RAPGEF5: variants seen among roughly 807,000 people sequenced by gnomAD.
RAPGEF5 encodes Rap guanine nucleotide exchange factor 5.
A neutral mutation model predicts 125.2 loss-of-function variants in RAPGEF5; 65 were observed. That is an observed-to-expected ratio of 0.52 (90% CI 0.43 to 0.64). The LOEUF (loss-of-function observed/expected upper bound fraction) is 0.64, where lower values mean the gene tolerates loss of function less well. Among genes scored for constraint, RAPGEF5 ranks in the 30% least tolerant of loss-of-function variants. The pLI is 0.00. For synonymous variants in RAPGEF5, 391 were observed against 385.9 expected (o/e 1.01, Z -0.16); for missense variants, 958 against 1,048.1 (o/e 0.91, Z 1.19).
chr7:22,172,375 C>T (rs1294292674), intron 11 of RAPGEF5, among the ~76,000 whole-genome samples: 2 of 152,134 alleles, frequency 1.3e-5, no homozygotes, highest in African/African-American at 2.4e-5. Context: ...CTGCATGCCT[C>T]GGGCTCCCAA....
chr7:22,250,084 T>G (rs1465584618), intron 7 of RAPGEF5, among the ~76,000 whole-genome samples: 3 of 152,198 alleles, frequency 2.0e-5, no homozygotes, highest in Non-Finnish European at 2.9e-5. Context: ...GTTCCTTATC[T>G]CCAAACAAAA....
intron 1 of RAPGEF5, among the ~76,000 whole-genome samples, chr7:22,348,441 C>T (rs1414365294): frequency 6.6e-6 from 1 of 152,202 alleles, no homozygotes; most frequent in Non-Finnish European, 1.5e-5. Flanking sequence ...CCATCAGAAA[C>T]ATAAATCCTG....
chr7:22,323,821 T>C (rs577836333), intron 1 of RAPGEF5, among the ~76,000 whole-genome samples: 9 of 152,198 alleles, frequency 5.9e-5, no homozygotes, highest in African/African-American at 2.2e-4. Context: ...ATACAAGCAA[T>C]TGAATAAATA....
At chr7:22,290,700 C>G (rs540449702) in intron 6 of RAPGEF5, among the ~76,000 whole-genome samples, 44 of 150,016 alleles carry the variant, frequency 2.9e-4, no homozygotes, top group South Asian at 8.5e-4. Context: ...AGCCGAGATC[C>G]CGCCGCTGCA....
chr7:22,186,214 C>A (rs1784821400), intron 11 of RAPGEF5, among the ~76,000 whole-genome samples: 1 of 152,166 alleles, frequency 6.6e-6, no homozygotes, highest in African/African-American at 2.4e-5. Flanking sequence ...AGGCTGATAT[C>A]CTTATCAAAC....
At chr7:22,277,375 A>G (rs969043760) in intron 6 of RAPGEF5, among the ~76,000 whole-genome samples, 5 of 152,314 alleles carry the variant, frequency 3.3e-5, no homozygotes. Flanking sequence ...ATTTAACAAG[A>G]AATGTGCATT....
chr7:22,327,830 G>C (rs1309785961), intron 1 of RAPGEF5, among the ~76,000 whole-genome samples: 1 of 152,186 alleles, frequency 6.6e-6, no homozygotes, highest in African/African-American at 2.4e-5. Context: ...AGATTGCTGG[G>C]CTCCAACCCA....
intron 9 of RAPGEF5, among the ~76,000 whole-genome samples, chr7:22,211,034 GATTT>G (rs1785496672): frequency 6.6e-6 from 1 of 152,130 alleles, no homozygotes; most frequent in African/African-American, 2.4e-5. Flanking sequence ...TATTTAGCAT[GATTT>G]ATTAGAAAAA....
chr7:22,276,748 G>A (rs542908970), intron 6 of RAPGEF5, among the ~76,000 whole-genome samples: 4 of 152,306 alleles, frequency 2.6e-5, no homozygotes, highest in African/African-American at 4.8e-5. Context: ...GTTTCCTGAC[G>A]GTGGGGTGGA....
intron 2 of RAPGEF5, 80 bp downstream of exon 2, chr7:22,317,907 C>T (rs1271409350): frequency 6.5e-7 from 1 of 1,528,846 alleles, no homozygotes; most frequent in Admixed American, 2.1e-5. Flanking sequence ...GCAAAGGGAA[C>T]AACTGTAACT....
At chr7:22,309,637 A>T (rs1248668596) in intron 4 of RAPGEF5, among the ~76,000 whole-genome samples, 1 of 152,222 alleles carries the variant, frequency 6.6e-6, no homozygotes, top group Non-Finnish European at 1.5e-5. Context: ...CTACAAGATA[A>T]ATCACACACT....
chr7:22,248,243 T>C (rs1404346568), intron 7 of RAPGEF5, among the ~76,000 whole-genome samples: 1 of 152,176 alleles, frequency 6.6e-6, no homozygotes, highest in Non-Finnish European at 1.5e-5. Context: ...ACAAATGTGA[T>C]CTTTTGATGA....
At chr7:22,291,095 C>T (rs891266744) in intron 6 of RAPGEF5, 80 bp downstream of exon 6, 4 of 1,446,244 alleles carry the variant, frequency 2.8e-6, no homozygotes, top group Non-Finnish European at 2.8e-6. Context: ...CTCTCTACAC[C>T]ATCACCCAAA....
intron 4 of RAPGEF5, 110 bp from the exon 5 acceptor site, chr7:22,308,617 A>C: frequency 1.1e-6 from 1 of 889,110 alleles, no homozygotes; most frequent in Non-Finnish European, 1.6e-6. Flanking sequence ...ATCAGGGTTA[A>C]GACTATAATT....
Position 22,350,786 on chromosome 7 carries a change from T to C in RAPGEF5, c.231+6044A>G, listed in dbSNP as rs555092888. Among the ~76,000 whole-genome samples, 7 of 152,356 alleles carry C rather than the reference T, an allele frequency of 4.6e-5. No individual in the cohort carries two copies. The South Asian group carries it at 1.2e-3, about 27-fold the overall frequency. On this transcript the variant is annotated intron_variant, in intron 1 of 25. Coordinates refer to ENST00000665637, the MANE Select transcript of RAPGEF5 (RefSeq NM_012294.5). ...AAATTAAATGAATCTACAGTTTCTT[T>C]TCCTTCTTCCCAAATAAATATTTTT... is the stretch of plus-strand genomic sequence containing the variant.
intron 7 of RAPGEF5, among the ~76,000 whole-genome samples, chr7:22,235,777 A>C (rs1332300918): frequency 2.6e-5 from 4 of 152,214 alleles, no homozygotes; most frequent in African/African-American, 9.6e-5. Flanking sequence ...CTCCAACCAC[A>C]TTCAGCCCTG....
chr7:22,168,667 T>A (rs779586965), intron 11 of RAPGEF5, among the ~76,000 whole-genome samples: 4 of 152,210 alleles, frequency 2.6e-5, no homozygotes, highest in Non-Finnish European at 5.9e-5. Flanking sequence ...AAAAACAAGG[T>A]AATATTTATG....
chr7:22,207,197 T>C (rs967054891), intron 9 of RAPGEF5, among the ~76,000 whole-genome samples: 2 of 152,244 alleles, frequency 1.3e-5, no homozygotes, highest in African/African-American at 2.4e-5. Context: ...AGTAATTTCA[T>C]ATATTGCTGA....
chr7:22,294,411 C>T (rs976079049), intron 5 of RAPGEF5, among the ~76,000 whole-genome samples: 16 of 152,276 alleles, frequency 1.1e-4, no homozygotes, highest in Non-Finnish European at 2.2e-4. Context: ...AGTCCTGGTG[C>T]TCTAGGCAGA....
Sources: allele counts gnomAD v4.1 joint callset (sites outside exome capture counted in the v4.1 genomes callset), GRCh38; gene constraint gnomAD v4.1.1; transcripts MANE v1.5; gene names NCBI Gene and HGNC (gene_info 2026-07-23, HGNC 2026-07-21).